Variants in DPYD observed in about 807,000 individuals in gnomAD.
DPYD encodes dihydropyrimidine dehydrogenase, also known as dihydropyrimidine dehydrogenase [NADP(+)].
Under a neutral mutation model 116.2 loss-of-function variants are expected in DPYD, and 109 were observed. That is an observed-to-expected ratio of 0.94 (90% CI 0.80 to 1.10). The LOEUF (loss-of-function observed/expected upper bound fraction) is 1.10. Ranked by LOEUF, DPYD falls within the 50% of genes least tolerant of loss-of-function variation. The probability of loss-of-function intolerance (pLI) is 0.00; values close to 1 mark genes in which losing one functional copy is unlikely to be tolerated. For synonymous variants in DPYD, 440 were observed against 432.0 expected (o/e 1.02, Z -0.23); for missense variants, 1,302 against 1,254.5 (o/e 1.04, Z -0.57).
At chr1:97,689,704 C>T (rs1368823981) in intron 7 of DPYD, among the ~76,000 whole-genome samples, 1 of 151,890 alleles carries the variant, frequency 6.6e-6, no homozygotes, top group African/African-American at 2.4e-5. Context: ...AAAGAACCTC[C>T]GTGATGACTT....
Position 97,395,191 on chromosome 1 carries a change from T to C in DPYD, c.1906-12730A>G, listed in dbSNP as rs553548176. ...ATTTTATATATTTTTAAATTATATA[T>C]TTTAATATATATTGTGCCTTTCTAC... On this transcript the variant is annotated intron_variant, in intron 14 of 22. Transcript: ENST00000370192. 1.8e-3 allele frequency among the ~76,000 whole-genome samples: 277 copies of C among 150,502 alleles called. 3 individuals carry two copies. Among genetic ancestry groups the C allele is most frequent in the African/African-American group, 5.7e-3 (236 of 41,302 alleles).
At chr1:97,639,787 T>C (rs1391108847) in intron 8 of DPYD, among the ~76,000 whole-genome samples, 1 of 152,174 alleles carries the variant, frequency 6.6e-6, no homozygotes, top group Non-Finnish European at 1.5e-5. Flanking sequence ...TCATTGTTAA[T>C]TCAAGAAACT....
chr1:97,374,647 A>C (rs1671497642), intron 15 of DPYD, among the ~76,000 whole-genome samples: 1 of 135,262 alleles, frequency 7.4e-6, no homozygotes, highest in South Asian at 2.5e-4. Flanking sequence ...TGAACCCAGG[A>C]GGCGCAGCTT....
chr1:97,311,088 G>A (rs568177716), intron 16 of DPYD, among the ~76,000 whole-genome samples: 19 of 151,600 alleles, frequency 1.3e-4, no homozygotes, highest in Admixed American at 4.0e-4. Context: ...TTAGGCTGGA[G>A]GAGCAATTAA....
intron 2 of DPYD, among the ~76,000 whole-genome samples, chr1:97,872,774 T>TATC (rs913909460): frequency 1.3e-5 from 2 of 151,896 alleles, no homozygotes; most frequent in Non-Finnish European, 2.9e-5. Flanking sequence ...AAAAAATATT[T>TATC]ATCATCATCA....
At chr1:97,619,499 T>A (rs892655980) in intron 8 of DPYD, among the ~76,000 whole-genome samples, 2 of 152,142 alleles carry the variant, frequency 1.3e-5, no homozygotes, top group African/African-American at 4.8e-5. Flanking sequence ...CATATGAGAA[T>A]CCTGAAGGAA....
intron 3 of DPYD, among the ~76,000 whole-genome samples, chr1:97,763,917 A>T (rs995838427): frequency 2.6e-5 from 4 of 152,032 alleles, no homozygotes; most frequent in Non-Finnish European, 4.4e-5. Flanking sequence ...ATCCTCAAGG[A>T]TTTTCGTTTT....
At chr1:97,507,015 G>A (rs1342133489) in intron 13 of DPYD, among the ~76,000 whole-genome samples, 1 of 151,996 alleles carries the variant, frequency 6.6e-6, no homozygotes, top group Admixed American at 6.6e-5. Context: ...GAGTGTGCAA[G>A]CACACATACA....
intron 12 of DPYD, among the ~76,000 whole-genome samples, chr1:97,538,978 C>T (rs1650220569): frequency 6.6e-6 from 1 of 152,042 alleles, no homozygotes; most frequent in African/African-American, 2.4e-5. Flanking sequence ...TATAGGAATA[C>T]AGCATATTTT....
At chr1:97,329,485 G>A (rs540850789) in intron 16 of DPYD, among the ~76,000 whole-genome samples, 70 of 151,978 alleles carry the variant, frequency 4.6e-4, no homozygotes, top group African/African-American at 1.6e-3. Flanking sequence ...AGTGGTTTAC[G>A]CCTGTAATCT....
intron 1 of DPYD, among the ~76,000 whole-genome samples, chr1:97,914,277 G>C (rs1276605258): frequency 6.6e-6 from 1 of 152,102 alleles, no homozygotes; most frequent in Non-Finnish European, 1.5e-5. Flanking sequence ...GGAGCTAAAA[G>C]AGTTATTCAT....
At chr1:97,216,336 C>T (rs1570689726) in intron 19 of DPYD, among the ~76,000 whole-genome samples, 2 of 152,084 alleles carry the variant, frequency 1.3e-5, no homozygotes, top group Non-Finnish European at 2.9e-5. Context: ...CCATTTGGCC[C>T]TCTATCCAAA....
At chr1:97,297,783 A>T (rs1194966116) in intron 18 of DPYD, among the ~76,000 whole-genome samples, 2 of 152,204 alleles carry the variant, frequency 1.3e-5, no homozygotes, top group Non-Finnish European at 2.9e-5. Flanking sequence ...TCAATATGCT[A>T]GTGTCTATAC....
intron 16 of DPYD, among the ~76,000 whole-genome samples, chr1:97,359,005 A>C (rs557993848): frequency 6.6e-6 from 1 of 152,308 alleles, no homozygotes; most frequent in South Asian, 2.1e-4. Flanking sequence ...TGGTAATAAC[A>C]AACTTCTCTG....
chr1:97,203,527 T>C (rs914642093), intron 19 of DPYD, among the ~76,000 whole-genome samples: 13 of 151,044 alleles, frequency 8.6e-5, no homozygotes, highest in Non-Finnish European at 1.8e-4. Context: ...TACCTAATGC[T>C]AGATGACGAG....
Position 97,461,991 on chromosome 1 carries a change from T to A in DPYD, c.1741-11768A>T, listed in dbSNP as rs185667041. Among the ~76,000 whole-genome samples the A allele has an allele frequency of 4.6e-5, 7 of 152,322 alleles. No individual in the cohort carries two copies. In the East Asian group the frequency reaches 1.4e-3, roughly 29 times the overall value. On this transcript the variant is annotated intron_variant, in intron 13 of 22. Transcript: ENST00000370192. ...ACATTTGAAAAACTTCCTGTCTGTG[T>A]CCTCTCAATTTTTTTTTTGTTTGTT...
chr1:97,613,264 T>G (rs1656059743), intron 8 of DPYD, among the ~76,000 whole-genome samples: 1 of 152,010 alleles, frequency 6.6e-6, no homozygotes, highest in Admixed American at 6.6e-5. Flanking sequence ...ATAATTTTGG[T>G]GGTTAATAGT....
intron 14 of DPYD, among the ~76,000 whole-genome samples, chr1:97,448,963 T>C (rs1676243280): frequency 1.3e-5 from 2 of 152,126 alleles, no homozygotes; most frequent in Admixed American, 6.6e-5. Context: ...TGTGCATGTA[T>C]TTTATTTCAA....
Position 97,206,689 on chromosome 1 carries a change from A to C in DPYD, c.2443-13441T>G, listed in dbSNP as rs1394924427. 3.8e-3 allele frequency among the ~76,000 whole-genome samples: 327 copies of C among 85,582 alleles called. 1 individual carries two copies. The highest frequency in any genetic ancestry group is 0.011 in the African/African-American group (303 of 28,622). The allele number at this position is 85,582 out of a possible 152,430, so 56.1% of individuals were successfully genotyped here. On this transcript the variant is annotated intron_variant, in intron 19 of 22. Coordinates refer to ENST00000370192, the MANE Select transcript of DPYD (RefSeq NM_000110.4). Reference sequence around the variant, plus strand: ...ATATATATATATATATATATATATAATCTATATGCTTATAATGCATATGTG... The same window carrying C: ...ATATATATATATATATATATATATACTCTATATGCTTATAATGCATATGTG...
Sources: allele counts gnomAD v4.1 joint callset (sites outside exome capture counted in the v4.1 genomes callset), GRCh38; gene constraint gnomAD v4.1.1; transcripts MANE v1.5; gene names NCBI Gene and HGNC (gene_info 2026-07-23, HGNC 2026-07-21).